PRH1: variants seen among roughly 807,000 people sequenced by gnomAD.
PRH1 encodes salivary acidic proline-rich phosphoprotein 1/2.
A neutral mutation model predicts 7.9 loss-of-function variants in PRH1; 7 were observed. That is an observed-to-expected ratio of 0.89 (90% CI 0.50 to 1.67). PRH1 has a LOEUF of 1.67. PRH1 is among the 40% of genes most tolerant of loss of function. The pLI is 0.00. For missense variants in PRH1, 109 were observed against 223.6 expected (o/e 0.49, Z 3.27); for synonymous variants, 45 against 80.8 (o/e 0.56, Z 2.38).
At chr12:10,974,111 A>G (rs1036112684) in intron 1 of PRH1, among the ~76,000 whole-genome samples, 4 of 152,376 alleles carry the variant, frequency 2.6e-5, no homozygotes, top group African/African-American at 9.6e-5. Flanking sequence ...AACATTTATT[A>G]TCAGCTAATT....
intron 1 of PRH1, among the ~76,000 whole-genome samples, chr12:11,099,702 A>C (rs978002863): frequency 6.6e-6 from 1 of 152,122 alleles, no homozygotes; most frequent in Admixed American, 6.5e-5. Flanking sequence ...ATCTCAAAAA[A>C]CAGAAAACAC....
intron 2 of PRH1, chr12:10,938,594 A>C: frequency 6.2e-7 from 1 of 1,613,948 alleles, no homozygotes; most frequent in Non-Finnish European, 8.5e-7. Context: ...ATGTTTCCAC[A>C]TGGAGAAGAT....
upstream of PRH1, among the ~76,000 whole-genome samples, chr12:11,048,147 T>C (rs896137021): frequency 2.1e-5 from 3 of 141,472 alleles, no homozygotes; most frequent in Non-Finnish European, 4.7e-5. Flanking sequence ...CACACATATA[T>C]GTGTGTGTGT....
chr12:10,997,809 C>T (rs749472856), intron 1 of PRH1: 5 of 1,612,342 alleles, frequency 3.1e-6, no homozygotes, highest in Middle Eastern at 1.7e-4. Flanking sequence ...AAGCCATTGG[C>T]AAAATTTCCA....
chr12:11,151,208 A>G (rs1258286560), intron 1 of PRH1, among the ~76,000 whole-genome samples: 2 of 151,846 alleles, frequency 1.3e-5, no homozygotes, highest in Admixed American at 6.6e-5. Context: ...GAGTCTGTCA[A>G]CATCCACACA....
intron 1 of PRH1, among the ~76,000 whole-genome samples, chr12:11,167,874 T>C (rs1355247178): frequency 6.6e-6 from 1 of 152,180 alleles, no homozygotes; most frequent in Non-Finnish European, 1.5e-5. Flanking sequence ...TCAAGCTGGT[T>C]TTCAAAATGC....
At chr12:11,107,747 CATG>C (rs1391649809) in intron 1 of PRH1, among the ~76,000 whole-genome samples, 1 of 152,180 alleles carries the variant, frequency 6.6e-6, no homozygotes, top group Non-Finnish European at 1.5e-5. Context: ...CACCAACATT[CATG>C]GTCAATTGAT....
intron 1 of PRH1, among the ~76,000 whole-genome samples, chr12:11,125,246 AT>A (rs1300246630): frequency 1.3e-5 from 2 of 152,234 alleles, no homozygotes; most frequent in African/African-American, 2.4e-5. Context: ...TTTACTTGCT[AT>A]TTTTTTTCTT....
At chr12:11,073,942 G>T (rs78124862) in intron 1 of PRH1, among the ~76,000 whole-genome samples, 46,526 of 118,660 alleles carry the variant, frequency 0.39, 12,818 homozygotes, top group Non-Finnish European at 0.48. Context: ...CAAGCAAAAA[G>T]CCCCTCAAGC....
At chr12:11,165,894 A>G (rs1355843589) in intron 1 of PRH1, among the ~76,000 whole-genome samples, 1 of 152,198 alleles carries the variant, frequency 6.6e-6, no homozygotes, top group Admixed American at 6.5e-5. Flanking sequence ...CTCTTTCTAC[A>G]CTTGTGTCCC....
intron 1 of PRH1, among the ~76,000 whole-genome samples, chr12:11,045,039 T>C (rs1942853890): frequency 6.6e-6 from 1 of 152,128 alleles, no homozygotes; most frequent in Non-Finnish European, 1.5e-5. Flanking sequence ...ACAATAGCCA[T>C]GATTTGGAAG....
intron 1 of PRH1, among the ~76,000 whole-genome samples, chr12:11,128,223 A>C (rs1224929290): frequency 1.3e-5 from 2 of 152,152 alleles, no homozygotes; most frequent in Non-Finnish European, 2.9e-5. Context: ...CTGTGTATGA[A>C]TATTCACTTT....
intron 2 of PRH1, among the ~76,000 whole-genome samples, chr12:10,924,154 A>T (rs1950093185): frequency 6.6e-6 from 1 of 151,540 alleles, no homozygotes; most frequent in Non-Finnish European, 1.5e-5. Flanking sequence ...CGCCCAGCTA[A>T]TTTTTTGTAT....
intron 1 of PRH1, among the ~76,000 whole-genome samples, chr12:11,115,034 G>T (rs1014645552): frequency 4.6e-5 from 7 of 152,062 alleles, no homozygotes; most frequent in Admixed American, 2.6e-4. Context: ...AATGACAAAA[G>T]TAAGTCCTAA....
At chr12:10,938,464 GA>G (rs765543124) in intron 2 of PRH1, 2 of 1,614,002 alleles carry the variant, frequency 1.2e-6, no homozygotes, top group South Asian at 2.2e-5. Flanking sequence ...AAACTGATAT[GA>G]AAAAAGACAG....
chr12:11,041,132 T>G lies in PRH1; in HGVS notation c.-126+5888A>C, dbSNP rs1942688272. ...GTAATAACGTTGAATGAAAATGGAC[T>G]AAACTCTCCAATCAAAAGACATAGT... is the stretch of plus-strand genomic sequence containing the variant. On this transcript the variant is annotated intron_variant, in intron 1 of 3. Coordinates refer to the PRH1 transcript ENST00000539853. Among the ~76,000 whole-genome samples the G allele has an allele frequency of 2.0e-5, 3 of 148,886 alleles. No homozygotes were observed. The South Asian group carries it at 6.4e-4, about 32-fold the overall frequency.
At chr12:11,120,835 TA>T (rs1945878179) in exon 2 of PRH1, 1 of 152,816 alleles carries the variant, frequency 6.5e-6, no homozygotes, top group East Asian at 1.9e-4. Flanking sequence ...TCATTAGTTT[TA>T]CAGCTTAGTC....
At chr12:10,965,705 G>A (rs554990301) in intron 2 of PRH1, among the ~76,000 whole-genome samples, 2 of 152,252 alleles carry the variant, frequency 1.3e-5, no homozygotes, top group South Asian at 2.1e-4. Context: ...GTTTTGCAAT[G>A]TTTTCCTCAT....
intron 1 of PRH1, chr12:11,091,724 T>C (rs201365712): frequency 0.054 from 58,208 of 1,082,498 alleles, 25,307 homozygotes; most frequent in Admixed American, 0.09. Context: ...CATTGCACTC[T>C]TCAATTTGAT....
Sources: allele counts gnomAD v4.1 joint callset (sites outside exome capture counted in the v4.1 genomes callset), GRCh38; gene constraint gnomAD v4.1.1; transcripts MANE v1.5; gene names NCBI Gene and HGNC (gene_info 2026-07-23, HGNC 2026-07-21).